CPXM2: variants seen among roughly 807,000 people sequenced by gnomAD.
CPXM2 encodes the protein inactive carboxypeptidase-like protein X2.
A neutral mutation model predicts 86.1 loss-of-function variants in CPXM2; 66 were observed. The observed-to-expected ratio is 0.77, with a 90% CI of 0.63 to 0.94. The LOEUF is 0.94. Ranked by LOEUF, CPXM2 falls within the 40% of genes least tolerant of loss-of-function variation. The pLI is 0.00. For missense variants in CPXM2, 948 were observed against 1,026.3 expected (o/e 0.92, Z 1.04); for synonymous variants, 388 against 400.2 (o/e 0.97, Z 0.36).
At chr10:123,919,239 G>A (rs1878618) in intron 2 of CPXM2, among the ~76,000 whole-genome samples, 90,475 of 152,148 alleles carry the variant, frequency 0.59, 28,463 homozygotes, top group African/African-American at 0.81. Context: ...TTGAAACTCC[G>A]GCCCACAAAA....
chr10:123,831,946 G>A (rs1208018628), intron 4 of CPXM2, among the ~76,000 whole-genome samples: 1 of 147,470 alleles, frequency 6.8e-6, no homozygotes, highest in Non-Finnish European at 1.5e-5. Context: ...GAGGCCGGGG[G>A]TGGGGGGCGT....
intron 2 of CPXM2, among the ~76,000 whole-genome samples, chr10:123,898,949 C>T (rs1450616585): frequency 3.9e-5 from 6 of 152,080 alleles, no homozygotes; most frequent in Non-Finnish European, 8.8e-5. Context: ...GGGGGTTCAC[C>T]ACGTTGCCCA....
intron 2 of CPXM2, among the ~76,000 whole-genome samples, chr10:123,919,263 T>A (rs958771956): frequency 6.6e-6 from 1 of 152,198 alleles, no homozygotes; most frequent in Non-Finnish European, 1.5e-5. Context: ...GCACAGGGAC[T>A]TGTGGTCCAT....
At chr10:123,750,948 G>T in intron 13 of CPXM2, 1 of 985,424 alleles carries the variant, frequency 1.0e-6, no homozygotes, top group Non-Finnish European at 1.2e-6. Context: ...CTCACATTAT[G>T]AAAAGCAGGA....
intron 3 of CPXM2, among the ~76,000 whole-genome samples, chr10:123,845,422 G>A (rs1848477052): frequency 6.6e-6 from 1 of 151,968 alleles, no homozygotes; most frequent in African/African-American, 2.4e-5. Context: ...AACAAGAACA[G>A]AATACTCTAA....
rs142855432 is a variant in CPXM2, at chr10:123,794,734, C to CGTGTGTGTGTGTGTGT, written c.889+3226_889+3241dup. The stretch of plus-strand genomic sequence containing the variant: ...TCATTTTTATTTATTTATTTAAGAC[C>CGTGTGTGTGTGTGTGT]GTGTGTGTGTGTGTGTGTGTGTGTG... On this transcript the variant is annotated intron_variant, in intron 6 of 13. Transcript: ENST00000241305. Among the ~76,000 whole-genome samples the CGTGTGTGTGTGTGTGT allele has an allele frequency of 7.4e-4, 105 of 141,324 alleles. No homozygotes were observed. The East Asian group carries it at 9.4e-3, about 13-fold the overall frequency. 92.7% of individuals were successfully genotyped at this position (141,324 alleles called of 152,430 possible). A position where few individuals can be genotyped will look rare whatever the true frequency, so the allele number is the denominator to read the frequency against.
At chr10:123,908,164 G>A (rs1201444539) in intron 2 of CPXM2, among the ~76,000 whole-genome samples, 1 of 151,814 alleles carries the variant, frequency 6.6e-6, no homozygotes, top group African/African-American at 2.4e-5. Flanking sequence ...AGGGAAGAAG[G>A]GGACAGATTC....
chr10:123,806,944 C>A (rs1394897410), intron 4 of CPXM2, among the ~76,000 whole-genome samples: 1 of 152,168 alleles, frequency 6.6e-6, no homozygotes, highest in African/African-American at 2.4e-5. Context: ...AAAGACCAAA[C>A]TGAAATTCTA....
At chr10:123,824,260 T>C (rs1034101664) in intron 4 of CPXM2, among the ~76,000 whole-genome samples, 3 of 152,220 alleles carry the variant, frequency 2.0e-5, no homozygotes, top group Non-Finnish European at 4.4e-5. Context: ...AATTGACCAC[T>C]CTGCTGGCTG....
chr10:123,921,106 G>C (rs1220393564), intron 2 of CPXM2, among the ~76,000 whole-genome samples: 2 of 152,134 alleles, frequency 1.3e-5, no homozygotes, highest in African/African-American at 4.8e-5. Context: ...AGGTTGTTAG[G>C]GAAAAGGGTG....
chr10:123,819,319 G>A (rs1847878050), intron 4 of CPXM2, among the ~76,000 whole-genome samples: 1 of 152,136 alleles, frequency 6.6e-6, no homozygotes, highest in African/African-American at 2.4e-5. Flanking sequence ...ACTACAAGTG[G>A]GCCAGACCCT....
chr10:123,889,403 G>C (rs1360372689), intron 1 of CPXM2, among the ~76,000 whole-genome samples: 1 of 151,136 alleles, frequency 6.6e-6, no homozygotes, highest in Non-Finnish European at 1.5e-5. Flanking sequence ...CCACACTTTT[G>C]TGCAACCCTT....
intron 6 of CPXM2, among the ~76,000 whole-genome samples, chr10:123,783,276 T>C (rs1846975651): frequency 6.6e-6 from 1 of 152,272 alleles, no homozygotes; most frequent in Non-Finnish European, 1.5e-5. Flanking sequence ...TTGCTTTCAA[T>C]TTACTCTATG....
chr10:123,749,729 T>C (rs1846034108), intron 13 of CPXM2, among the ~76,000 whole-genome samples: 1 of 152,254 alleles, frequency 6.6e-6, no homozygotes, highest in South Asian at 2.1e-4. Context: ...CCAACTCCTG[T>C]GCCAGGTCCA....
At chr10:123,813,627 C>T (rs908616439) in intron 4 of CPXM2, among the ~76,000 whole-genome samples, 1 of 152,136 alleles carries the variant, frequency 6.6e-6, no homozygotes, top group Non-Finnish European at 1.5e-5. Flanking sequence ...ACACAGAGGC[C>T]ACATAATCAA....
At chr10:123,758,253 A>G (rs940738125) in intron 11 of CPXM2, among the ~76,000 whole-genome samples, 3 of 152,206 alleles carry the variant, frequency 2.0e-5, no homozygotes, top group Non-Finnish European at 2.9e-5. Context: ...TTATTCTCTC[A>G]AAGTCTCAGA....
intron 11 of CPXM2, among the ~76,000 whole-genome samples, chr10:123,758,127 A>G (rs1273621048): frequency 6.6e-6 from 1 of 152,186 alleles, no homozygotes; most frequent in Non-Finnish European, 1.5e-5. Flanking sequence ...TCCTGGCATG[A>G]CGACAGCAGG....
At chr10:123,915,282 G>A (rs1042551282) in intron 2 of CPXM2, among the ~76,000 whole-genome samples, 1 of 152,218 alleles carries the variant, frequency 6.6e-6, no homozygotes, top group Non-Finnish European at 1.5e-5. Context: ...CGTAGGCCGG[G>A]TGCGGTGGCT....
chr10:123,792,414 C>T (rs1443453492), intron 6 of CPXM2, among the ~76,000 whole-genome samples: 2 of 152,116 alleles, frequency 1.3e-5, no homozygotes, highest in East Asian at 1.9e-4. Flanking sequence ...GTTCTTCTCA[C>T]GGAACTCATG....
Sources: gnomAD v4.1 joint callset for allele counts (sites outside exome capture counted in the v4.1 genomes callset) on GRCh38, gnomAD v4.1.1 for gene constraint, MANE v1.5 for transcripts, NCBI Gene and HGNC (gene_info 2026-07-23, HGNC 2026-07-21) for gene names.